PRKCA: variants seen among roughly 807,000 people sequenced by gnomAD.
The protein encoded by PRKCA is protein kinase C alpha, also known as protein kinase C alpha type.
A neutral mutation model predicts 87.0 loss-of-function variants in PRKCA; 27 were observed. The ratio of observed to expected loss-of-function variants is 0.31; its 90% CI spans 0.23 to 0.43. The LOEUF is 0.43. Among genes scored for constraint, PRKCA ranks in the 20% least tolerant of loss-of-function variants. The pLI, the probability that PRKCA is intolerant of heterozygous loss-of-function variation, is 1.00. For synonymous variants in PRKCA, 329 were observed against 311.1 expected (o/e 1.06, Z -0.61); for missense variants, 518 against 852.3 (o/e 0.61, Z 4.88).
intron 8 of PRKCA, among the ~76,000 whole-genome samples, chr17:66,716,121 A>G (rs928948966): frequency 6.6e-6 from 1 of 151,382 alleles, no homozygotes; most frequent in African/African-American, 2.4e-5. Context: ...TCTTGCTTGC[A>G]CTGGGCCCCA....
intron 2 of PRKCA, among the ~76,000 whole-genome samples, chr17:66,495,451 A>C (rs1916427794): frequency 6.6e-6 from 1 of 152,128 alleles, no homozygotes; most frequent in Non-Finnish European, 1.5e-5. Context: ...TTTATATTTT[A>C]TTTCAACCAC....
intron 3 of PRKCA, among the ~76,000 whole-genome samples, chr17:66,560,073 A>C (rs1428093808): frequency 1.3e-5 from 2 of 152,182 alleles, no homozygotes; most frequent in Non-Finnish European, 2.9e-5. Context: ...GATGTTGGCT[A>C]TTCCTCAGAA....
chr17:66,626,540 T>G (rs1416986201), intron 3 of PRKCA, among the ~76,000 whole-genome samples: 5 of 151,478 alleles, frequency 3.3e-5, no homozygotes, highest in Non-Finnish European at 5.9e-5. Context: ...TTTTTTTTTT[T>G]TTTGTATTTT....
chr17:66,766,292 C>G (rs113025478), intron 13 of PRKCA, among the ~76,000 whole-genome samples: 5,167 of 152,196 alleles, frequency 0.034, 113 homozygotes, highest in Non-Finnish European at 0.046. Context: ...TAAAGCAAAA[C>G]CAATCAGGTG....
Position 66,688,293 on chromosome 17 carries a change from G to C in PRKCA, c.687-9G>C, listed in dbSNP as rs1317731419. 3.7e-6 allele frequency: 6 copies of C among 1,613,764 alleles called. No individual in the cohort carries two copies. The African/African-American group carries it at 8.0e-5, about 22-fold the overall frequency. ...TAACCTAGTGTTTGCATGTGTGTGT[G>C]TCTTGTAGCAAATTGAAACCTTCAG... On this transcript the variant is annotated splice_polypyrimidine_tract_variant and intron_variant, in intron 6 of 16. Coordinates refer to ENST00000413366, the MANE Select transcript of PRKCA (RefSeq NM_002737.3).
intron 3 of PRKCA, among the ~76,000 whole-genome samples, chr17:66,517,813 C>T (rs1967016389): frequency 6.6e-6 from 1 of 152,166 alleles, no homozygotes; most frequent in Admixed American, 6.5e-5. Context: ...GAAAATTACT[C>T]ATCAAGCTGT....
At chr17:66,623,642 C>T (rs1320821061) in intron 3 of PRKCA, among the ~76,000 whole-genome samples, 1 of 152,146 alleles carries the variant, frequency 6.6e-6, no homozygotes, top group Non-Finnish European at 1.5e-5. Context: ...GATCAGGTCC[C>T]TGCTACGTGT....
chr17:66,521,258 A>G (rs559750143), intron 3 of PRKCA, among the ~76,000 whole-genome samples: 1 of 152,352 alleles, frequency 6.6e-6, no homozygotes, highest in South Asian at 2.1e-4. Context: ...GTTTTTATAT[A>G]GTGTAGAAGT....
intron 3 of PRKCA, among the ~76,000 whole-genome samples, chr17:66,615,152 T>C (rs769404435): frequency 6.6e-5 from 10 of 152,164 alleles, no homozygotes; most frequent in Non-Finnish European, 1.0e-4. Context: ...AGGATGCCTC[T>C]CCCAGCTGAG....
chr17:66,318,768 T>C (rs529529732), intron 2 of PRKCA, among the ~76,000 whole-genome samples: 1 of 151,888 alleles, frequency 6.6e-6, no homozygotes, highest in African/African-American at 2.4e-5. Flanking sequence ...GGCAGGAGAA[T>C]TGCTTGAACC....
intron 2 of PRKCA, among the ~76,000 whole-genome samples, chr17:66,423,250 G>A (rs1209829933): frequency 6.6e-6 from 1 of 152,144 alleles, no homozygotes; most frequent in East Asian, 1.9e-4. Flanking sequence ...CGAGGATTTT[G>A]CCCCTCATGT....
At chr17:66,562,610 G>GT (rs1328137181) in intron 3 of PRKCA, among the ~76,000 whole-genome samples, 2 of 150,878 alleles carry the variant, frequency 1.3e-5, no homozygotes, top group Admixed American at 1.3e-4. Context: ...TGTTGTTGTT[G>GT]TTTTTTGGCA....
intron 3 of PRKCA, among the ~76,000 whole-genome samples, chr17:66,542,561 G>A (rs1354814723): frequency 6.6e-6 from 1 of 152,076 alleles, no homozygotes; most frequent in Non-Finnish European, 1.5e-5. Flanking sequence ...AGACACAATA[G>A]TCCCAAGTAG....
intron 1 of PRKCA, among the ~76,000 whole-genome samples, chr17:66,303,576 G>A (rs1278874657): frequency 6.6e-6 from 1 of 152,134 alleles, no homozygotes; most frequent in Non-Finnish European, 1.5e-5. Flanking sequence ...ACTGTAGGCT[G>A]CATCTACTGG....
At chr17:66,514,650 CA>C (rs1966905908) in intron 3 of PRKCA, among the ~76,000 whole-genome samples, 1 of 152,066 alleles carries the variant, frequency 6.6e-6, no homozygotes, top group Non-Finnish European at 1.5e-5. Flanking sequence ...TTCTTTCTTT[CA>C]TTCTCATCTT....
intron 8 of PRKCA, among the ~76,000 whole-genome samples, chr17:66,721,987 GA>G (rs1449607341): frequency 6.6e-6 from 1 of 152,094 alleles, no homozygotes; most frequent in Non-Finnish European, 1.5e-5. Context: ...GTTCTATGAT[GA>G]TGAGATGGAC....
intron 9 of PRKCA, 79 bp downstream of exon 9, chr17:66,732,904 AG>A: frequency 2.0e-6 from 3 of 1,509,656 alleles, no homozygotes; most frequent in Non-Finnish European, 1.8e-6. Flanking sequence ...CGTAGTTTGC[AG>A]AATAGCACAT....
At chr17:66,623,274 A>AT (rs1045590443) in intron 3 of PRKCA, among the ~76,000 whole-genome samples, 7 of 151,522 alleles carry the variant, frequency 4.6e-5, no homozygotes, top group African/African-American at 1.2e-4. Context: ...CCTCAGCCAG[A>AT]TTTTTTTTTG....
chr17:66,494,574 G>A (rs1042056185), intron 2 of PRKCA, among the ~76,000 whole-genome samples: 4 of 152,310 alleles, frequency 2.6e-5, no homozygotes, highest in South Asian at 2.1e-4. Flanking sequence ...TGCCACCATG[G>A]CAACCAAATT....
Sources: allele counts gnomAD v4.1 joint callset (sites outside exome capture counted in the v4.1 genomes callset), GRCh38; gene constraint gnomAD v4.1.1; transcripts MANE v1.5; gene names NCBI Gene and HGNC (gene_info 2026-07-23, HGNC 2026-07-21).